DNAH11: variants seen among roughly 807,000 people sequenced by gnomAD.
DNAH11 encodes the protein dynein axonemal heavy chain 11.
In DNAH11, 442 loss-of-function variants were observed where a neutral mutation model predicts 526.0. The observed-to-expected ratio is 0.84, with a 90% CI of 0.78 to 0.91. The LOEUF is 0.91. DNAH11 is among the 40% of genes least tolerant of loss of function. The pLI, the probability that DNAH11 is intolerant of heterozygous loss-of-function variation, is 0.00. For missense variants in DNAH11, 6,989 were observed against 5,448.7 expected (o/e 1.28, Z -8.90); for synonymous variants, 2,461 against 1,935.9 (o/e 1.27, Z -7.12).
At chr7:21,599,277 A>G (rs1784981809) in intron 14 of DNAH11, among the ~76,000 whole-genome samples, 1 of 152,146 alleles carries the variant, frequency 6.6e-6, no homozygotes, top group Admixed American at 6.6e-5. Context: ...TAATAGCCTC[A>G]GTGGACTTTA....
At chr7:21,863,219 A>G (rs1047287624) in intron 69 of DNAH11, among the ~76,000 whole-genome samples, 4 of 152,236 alleles carry the variant, frequency 2.6e-5, no homozygotes, top group East Asian at 1.9e-4. Context: ...GGAAAGGTCT[A>G]TGTCTTACCT....
rs140428363 is a variant in DNAH11 at position 21,690,007 on chromosome 7, A to T, written c.5925-758A>T. On this transcript the variant is annotated intron_variant, in intron 34 of 81. Coordinates refer to ENST00000409508, the MANE Select transcript of DNAH11 (RefSeq NM_001277115.2). ...ACTATTTCTCCAACGCAAATCTTTC[A>T]CTGTTTCTCCAGTGCCTTTAAGTGA... is the stretch of plus-strand genomic sequence containing the variant. 2.4e-4 allele frequency among the ~76,000 whole-genome samples: 36 copies of T among 152,306 alleles called. No homozygotes were observed. The East Asian group carries it at 6.7e-3, about 29-fold the overall frequency.
At chr7:21,755,274 C>T (rs1786579017) in intron 54 of DNAH11, among the ~76,000 whole-genome samples, 1 of 152,124 alleles carries the variant, frequency 6.6e-6, no homozygotes, top group South Asian at 2.1e-4. Flanking sequence ...ATGCCAAATG[C>T]CTTCTCTCCT....
intron 28 of DNAH11, among the ~76,000 whole-genome samples, chr7:21,641,823 T>C (rs1401194697): frequency 2.0e-5 from 3 of 152,214 alleles, no homozygotes; most frequent in African/African-American, 7.2e-5. Flanking sequence ...TAACTACGCG[T>C]TCTAAATCCC....
At chr7:21,626,291 T>C (rs1786330068) in intron 25 of DNAH11, among the ~76,000 whole-genome samples, 1 of 152,228 alleles carries the variant, frequency 6.6e-6, no homozygotes, top group Admixed American at 6.5e-5. Flanking sequence ...AATGACATGA[T>C]TTAATTATTA....
intron 67 of DNAH11, among the ~76,000 whole-genome samples, chr7:21,853,234 C>T (rs116395717): frequency 6.6e-5 from 10 of 152,146 alleles, no homozygotes; most frequent in African/African-American, 2.2e-4. Flanking sequence ...CACAGATGAC[C>T]GTTAACCCTT....
rs17145720 is a variant in DNAH11 at position 21,861,922 on chromosome 7, T to C, written c.11272T>C (p.Ser3758Pro). 61,022 of 1,613,584 alleles carry C rather than the reference T, an allele frequency of 0.038. 2,572 individuals are homozygous for C. Among genetic ancestry groups the C allele is most frequent in the African/African-American group, 0.22 (16,466 of 74,930 alleles). ...GGTGGAAGACATGCAGGGACGCATC[T>C]CTATCCTGATGGAGAGCATCACCCA... The part of the protein sequence containing the change: ...DKVEDMQGRI[S>P]ILMESITHAV... Residue 3758 changes from serine to proline, a missense_variant, in exon 69 of 82, where the codon TCT becomes CCT. Coordinates refer to ENST00000409508, the MANE Select transcript of DNAH11 (RefSeq NM_001277115.2).
intron 65 of DNAH11, among the ~76,000 whole-genome samples, chr7:21,830,426 C>A (rs1372108415): frequency 1.3e-5 from 2 of 152,190 alleles, no homozygotes; most frequent in African/African-American, 2.4e-5. Context: ...GTGCTCTGAA[C>A]TGTGTCTGTT....
chr7:21,657,271 T>C (rs1782053191), intron 29 of DNAH11, among the ~76,000 whole-genome samples: 1 of 152,162 alleles, frequency 6.6e-6, no homozygotes, highest in Non-Finnish European at 1.5e-5. Context: ...ATGCATCAGA[T>C]GCTAGGTCAG....
intron 52 of DNAH11, among the ~76,000 whole-genome samples, chr7:21,749,168 A>G (rs1214021860): frequency 1.3e-5 from 2 of 152,202 alleles, no homozygotes; most frequent in East Asian, 1.9e-4. Flanking sequence ...GAGGAATAAC[A>G]CGTTTAGGAA....
At chr7:21,798,418 G>A (rs942815210) in intron 61 of DNAH11, among the ~76,000 whole-genome samples, 2 of 152,134 alleles carry the variant, frequency 1.3e-5, no homozygotes, top group East Asian at 1.9e-4. Flanking sequence ...TTTTAAACTC[G>A]AAGATGGATA....
At chr7:21,763,010 TTTA>T (rs567229047) in intron 54 of DNAH11, among the ~76,000 whole-genome samples, 164 of 152,232 alleles carry the variant, frequency 1.1e-3, no homozygotes, top group African/African-American at 3.3e-3. Flanking sequence ...AAAATCTGAT[TTTA>T]AAATGGGCAA....
chr7:21,555,117 A>G (rs1018176033), intron 2 of DNAH11, among the ~76,000 whole-genome samples: 7 of 152,102 alleles, frequency 4.6e-5, no homozygotes, highest in Admixed American at 4.6e-4. Flanking sequence ...TAATTCCTTG[A>G]TCCAGCAGAG....
At chr7:21,741,856 A>G in intron 48 of DNAH11, 71 bp from the exon 49 acceptor site, 1 of 1,548,852 alleles carries the variant, frequency 6.5e-7, no homozygotes, top group Non-Finnish European at 8.7e-7. Context: ...AGGAGTGAAA[A>G]AAAATCAGGT....
At chr7:21,761,718 A>C (rs1786927183) in intron 54 of DNAH11, among the ~76,000 whole-genome samples, 2 of 152,180 alleles carry the variant, frequency 1.3e-5, no homozygotes, top group African/African-American at 4.8e-5. Context: ...GCCCACTCAC[A>C]ATATGAAATT....
intron 65 of DNAH11, among the ~76,000 whole-genome samples, chr7:21,821,086 A>G (rs1790031266): frequency 6.6e-6 from 1 of 152,142 alleles, no homozygotes; most frequent in Non-Finnish European, 1.5e-5. Context: ...ATGGTAATTA[A>G]TTGGATATTA....
chr7:21,793,413 T>G (rs10226044), intron 61 of DNAH11, among the ~76,000 whole-genome samples: 3 of 151,838 alleles, frequency 2.0e-5, no homozygotes, highest in East Asian at 3.9e-4. Context: ...GTCAGGAGAT[T>G]GAGACCATCC....
chr7:21,678,961 A>G (rs1048276981), intron 30 of DNAH11, among the ~76,000 whole-genome samples: 48 of 152,334 alleles, frequency 3.2e-4, no homozygotes, highest in African/African-American at 9.9e-4. Flanking sequence ...CACAATAGCC[A>G]AGATGTAGAA....
At chr7:21,842,470 G>T in intron 65 of DNAH11, 74 bp from the exon 66 acceptor site, 1 of 1,268,866 alleles carries the variant, frequency 7.9e-7, no homozygotes, top group East Asian at 2.4e-5. Flanking sequence ...TAAGAATACA[G>T]GAATGGAATG....
Sources: gnomAD v4.1 joint callset for allele counts (sites outside exome capture counted in the v4.1 genomes callset) on GRCh38, gnomAD v4.1.1 for gene constraint, MANE v1.5 for transcripts, NCBI Gene and HGNC (gene_info 2026-07-23, HGNC 2026-07-21) for gene names.